The following SLC13A1 variants were observed in gnomAD, a reference collection of about 807,000 sequenced individuals.
SLC13A1 encodes Na(+)/sulfate cotransporter.
In SLC13A1, 65 loss-of-function variants were observed where a neutral mutation model predicts 70.0. That is an observed-to-expected ratio of 0.93 (90% CI 0.76 to 1.14). The LOEUF is 1.14. Among genes scored for constraint, SLC13A1 ranks in the 50% most tolerant of loss-of-function variants. SLC13A1 has a pLI of 0.00. For synonymous variants in SLC13A1, 275 were observed against 250.5 expected, an observed-to-expected ratio of 1.10 and a Z score of -0.92; for missense variants, 726 against 717.8, an observed-to-expected ratio of 1.01 and a Z score of -0.13.
At chr7:123,178,027 C>G (rs905656320) in intron 2 of SLC13A1, among the ~76,000 whole-genome samples, 1 of 150,100 alleles carries the variant, frequency 6.7e-6, no homozygotes, top group Non-Finnish European at 1.5e-5. Flanking sequence ...TTCTCTCTCT[C>G]TCTCTCTATA....
chr7:123,140,805 TC>T (rs1291530583), intron 7 of SLC13A1, among the ~76,000 whole-genome samples: 2 of 152,128 alleles, frequency 1.3e-5, no homozygotes, highest in African/African-American at 2.4e-5. Context: ...AATATTTGGA[TC>T]TTTTCTCTTG....
Position 123,128,834 on chromosome 7 carries a change from G to A in SLC13A1, c.1133+11C>T. 1 of 1,583,510 alleles carries A rather than the reference G, an allele frequency of 6.3e-7. No individual in the cohort carries two copies. Among genetic ancestry groups the A allele is most frequent in the Non-Finnish European group, 8.7e-7 (1 of 1,153,070 alleles). ...CAGGAAGGGCTGACAAACATAACGT[G>A]CAAAGCTTACTCTGAAAAAAGTGCA... On this transcript the variant is annotated intron_variant, in intron 10 of 14. Transcript: ENST00000194130.
chr7:123,120,230 CTT>C (rs1793330659), intron 12 of SLC13A1, among the ~76,000 whole-genome samples: 1 of 152,042 alleles, frequency 6.6e-6, no homozygotes, highest in Admixed American at 6.6e-5. Flanking sequence ...TTAATCTACT[CTT>C]TTGCATTGGG....
chr7:123,174,177 A>T (rs1302611864), intron 2 of SLC13A1, among the ~76,000 whole-genome samples: 3 of 152,078 alleles, frequency 2.0e-5, no homozygotes, highest in African/African-American at 7.2e-5. Flanking sequence ...TGCCTGGCAC[A>T]TACATGGGGG....
intron 1 of SLC13A1, among the ~76,000 whole-genome samples, chr7:123,185,214 A>AT (rs1795759886): frequency 6.6e-6 from 1 of 151,938 alleles, no homozygotes; most frequent in African/African-American, 2.4e-5. Context: ...GTTTGCAAAT[A>AT]TTTTATCCTA....
At chr7:123,136,308 A>AT (rs1793946561) in intron 7 of SLC13A1, among the ~76,000 whole-genome samples, 1 of 152,196 alleles carries the variant, frequency 6.6e-6, no homozygotes, top group Non-Finnish European at 1.5e-5. Context: ...CTTCATTGTT[A>AT]TGTTTTGTTT....
At chr7:123,182,075 A>G (rs1489394763) in intron 1 of SLC13A1, among the ~76,000 whole-genome samples, 1 of 152,156 alleles carries the variant, frequency 6.6e-6, no homozygotes, top group Non-Finnish European at 1.5e-5. Flanking sequence ...ATTAGGCAGT[A>G]CCTTTATTGT....
chr7:123,156,149 G>A (rs983358800), intron 6 of SLC13A1, among the ~76,000 whole-genome samples: 1 of 152,002 alleles, frequency 6.6e-6, no homozygotes, highest in Non-Finnish European at 1.5e-5. Context: ...TACCGATTTA[G>A]GATTCAGCTT....
intron 7 of SLC13A1, among the ~76,000 whole-genome samples, chr7:123,143,138 C>T (rs1178007953): frequency 6.6e-6 from 1 of 152,150 alleles, no homozygotes; most frequent in Admixed American, 6.6e-5. Context: ...CTCCTCTCCT[C>T]GAGCAGTAGG....
chr7:123,132,313 C>T (rs147555886), intron 8 of SLC13A1, among the ~76,000 whole-genome samples: 154 of 152,286 alleles, frequency 1.0e-3, no homozygotes, highest in African/African-American at 3.4e-3. Flanking sequence ...CCTCGTATTA[C>T]TAGGCATGGA....
At position 123,115,612 on chromosome 7, in the gene SLC13A1, AC is replaced by A. The variant is rs1793154051; in HGVS notation, c.1693del (p.Val565LeufsTer25). ...LGVNIVGVAV[V>X]MLGICTWIVP... is the part of the protein sequence containing the mutation. ...AATCCAAGTACATATGCCAAGCATA[AC>A]CACAGCAACACCAACAATGTTGACA... is the stretch of plus-strand genomic sequence containing the variant. On this transcript the variant is annotated frameshift_variant, in exon 15 of 15. Transcript: ENST00000194130. LOFTEE classifies it low-confidence loss of function (END_TRUNC). The A allele has an allele frequency of 6.2e-7, 1 of 1,613,836 alleles. No individual in the cohort carries two copies. Among genetic ancestry groups the A allele is most frequent in the Non-Finnish European group, 8.5e-7 (1 of 1,179,850 alleles).
chr7:123,150,851 TC>T (rs1219264152), intron 6 of SLC13A1, among the ~76,000 whole-genome samples: 2 of 152,106 alleles, frequency 1.3e-5, no homozygotes, highest in Non-Finnish European at 2.9e-5. Context: ...CTTCCATCCT[TC>T]CTTAAAACTG....
In SLC13A1 at chr7:123,123,172, A is replaced by G. The variant is rs202215057; in HGVS notation, c.1304T>C (p.Ile435Thr). The change falls in exon 12 of 15, where the codon ATA (isoleucine) becomes ACA (threonine). Residue 435 changes from isoleucine to threonine, a missense_variant. Ile to Thr is a moderately conservative substitution (Grantham distance 89). Transcript: ENST00000194130. ...KEFQSFMPWD[I>T]AILVGGGFAL... is the part of the protein sequence containing the mutation. ...AAACCCTCCACCAACAAGAATGGCT[A>G]TATCCCAGGGCATGAATGACTGGAA... 6.2e-7 allele frequency: 1 copy of G among 1,613,660 alleles called. No individual in the cohort carries two copies. The highest frequency in any genetic ancestry group is 8.5e-7 in the Non-Finnish European group (1 of 1,179,664).
intron 2 of SLC13A1, among the ~76,000 whole-genome samples, chr7:123,172,880 A>G (rs1263403349): frequency 3.3e-5 from 5 of 152,138 alleles, no homozygotes; most frequent in Non-Finnish European, 7.3e-5. Context: ...GGCCTTTGCA[A>G]AAACCTTTAA....
intron 1 of SLC13A1, among the ~76,000 whole-genome samples, chr7:123,183,879 T>C (rs1280804101): frequency 6.6e-6 from 1 of 152,210 alleles, no homozygotes; most frequent in Non-Finnish European, 1.5e-5. Context: ...AAAACTTGTC[T>C]ACCTTTTGAT....
At chr7:123,136,573 T>C (rs911356438) in intron 7 of SLC13A1, among the ~76,000 whole-genome samples, 3 of 152,196 alleles carry the variant, frequency 2.0e-5, no homozygotes, top group Admixed American at 2.0e-4. Flanking sequence ...TTAATTCTGA[T>C]GAAATCCTTT....
chr7:123,183,750 G>A (rs568244743), intron 1 of SLC13A1, among the ~76,000 whole-genome samples: 2 of 152,250 alleles, frequency 1.3e-5, no homozygotes, highest in Non-Finnish European at 2.9e-5. Flanking sequence ...AGTTTGAGAA[G>A]CACTGGGCTA....
intron 7 of SLC13A1, among the ~76,000 whole-genome samples, chr7:123,144,449 T>G (rs1794277765): frequency 2.0e-5 from 3 of 152,184 alleles, no homozygotes; most frequent in Admixed American, 2.0e-4. Context: ...GCATTAAATT[T>G]TTATTTTACA....
In SLC13A1 at chr7:123,115,389, A is replaced by T; in HGVS notation, c.*129T>A. 1.1e-6 allele frequency: 1 copy of T among 918,524 alleles called. No individual in the cohort carries two copies. The highest frequency in any genetic ancestry group is 1.6e-6 in the Non-Finnish European group (1 of 614,420). The allele number at this position is 918,524 out of a possible 1,614,324, so 56.9% of individuals were successfully genotyped here. A position where few individuals can be genotyped will look rare whatever the true frequency, so the allele number is the denominator to read the frequency against. ...TTATAACAGCAGGTTTCGGGTATTCACAGGAATTGCAGCAGCTACACCATA... is the reference window on the plus strand; with the variant it reads ...TTATAACAGCAGGTTTCGGGTATTCTCAGGAATTGCAGCAGCTACACCATA... On this transcript the variant is annotated 3_prime_UTR_variant, in exon 15 of 15. Transcript: ENST00000194130.
Sources: allele counts gnomAD v4.1 joint callset (sites outside exome capture counted in the v4.1 genomes callset), GRCh38; gene constraint gnomAD v4.1.1; transcripts MANE v1.5; gene names NCBI Gene and HGNC (gene_info 2026-07-23, HGNC 2026-07-21).